SREBF1: variants seen among roughly 807,000 people sequenced by gnomAD.
SREBF1 encodes the protein sterol regulatory element binding transcription factor 1.
In SREBF1, 45 loss-of-function variants were observed where a neutral mutation model predicts 100.1. The ratio of observed to expected loss-of-function variants is 0.45; its 90% CI spans 0.35 to 0.58. The LOEUF is 0.58. Among genes scored for constraint, SREBF1 ranks in the 20% least tolerant of loss-of-function variants. The pLI is 0.00. For missense variants in SREBF1, 1,324 were observed against 1,539.4 expected (o/e 0.86, Z 2.34); for synonymous variants, 657 against 681.8 (o/e 0.96, Z 0.57).
rs546297883 is a variant in SREBF1, at chr17:17,818,303, G to T, written c.1140C>A (p.Leu380=). The change falls in exon 6 of 19, where the codon CTC becomes CTA. Residue 380 remains leucine, a synonymous_variant. Coordinates refer to ENST00000261646, the MANE Select transcript of SREBF1 (RefSeq NM_004176.5). ...TGCGCAGACTTAGGTTCTCCTGCTT[G>T]AGTTTCTGGTTGCTGTGTTGCAGAA... ...IRFLQHSNQK[L]KQENLSLRTA... is the part of the protein sequence containing the mutation. 8.7e-6 allele frequency: 14 copies of T among 1,613,986 alleles called. No individual in the cohort carries two copies. In the East Asian group the frequency reaches 2.7e-4, roughly 31 times the overall value.
At chr17:17,826,102 C>T (rs1027896368) in intron 1 of SREBF1, among the ~76,000 whole-genome samples, 2 of 152,212 alleles carry the variant, frequency 1.3e-5, no homozygotes, top group Non-Finnish European at 2.9e-5. Flanking sequence ...CCCACACCTA[C>T]GATCTCCAGA....
At chr17:17,818,813 C>A in intron 5 of SREBF1, 200 bp downstream of exon 5, 2 of 664,072 alleles carry the variant, frequency 3.0e-6, no homozygotes, top group African/African-American at 1.8e-5. Flanking sequence ...ATCCCCAATG[C>A]CTAGCACAGC....
In SREBF1 at chr17:17,814,430, A is replaced by C; in HGVS notation, c.2736-20T>G. On this transcript the variant is annotated intron_variant, in intron 15 of 18. Transcript: ENST00000261646. Reference sequence around the variant, plus strand: ...GGTCTCCTGTTGGGACCAGGGCAGAAGAGTGCCAGTCAGACCAGTCCACAA... The same window carrying C: ...GGTCTCCTGTTGGGACCAGGGCAGACGAGTGCCAGTCAGACCAGTCCACAA... 1 of 1,551,574 alleles carries C rather than the reference A, an allele frequency of 6.4e-7. No homozygotes were observed. The highest frequency in any genetic ancestry group is 8.7e-7 in the Non-Finnish European group (1 of 1,148,024).
rs767164203 is a variant in SREBF1, at chr17:17,816,724, G to A, written c.1786-6C>T. On this transcript the variant is annotated splice_region_variant and splice_polypyrimidine_tract_variant and intron_variant, in intron 9 of 18. Transcript: ENST00000261646. Reference sequence around the variant, plus strand: ...GCAGCCTGGGCAAAGTCTCCCTGTGGATGAGGGTTTTCCAGGTGAGAAAAG... The same window carrying A: ...GCAGCCTGGGCAAAGTCTCCCTGTGAATGAGGGTTTTCCAGGTGAGAAAAG... 2 of 1,576,552 alleles carry A rather than the reference G, an allele frequency of 1.3e-6. No homozygotes were observed. The highest frequency in any genetic ancestry group is 2.3e-5 in the East Asian group (1 of 43,234).
chr17:17,823,451 C>T (rs1567981151), intron 1 of SREBF1: 1 of 1,251,662 alleles, frequency 8.0e-7, no homozygotes, highest in Non-Finnish European at 1.2e-6. Flanking sequence ...TGCCCGCCCA[C>T]CCCAGGAGAA....
intron 1 of SREBF1, chr17:17,823,545 G>T: frequency 6.2e-7 from 1 of 1,613,492 alleles, no homozygotes; most frequent in Non-Finnish European, 8.5e-7. Flanking sequence ...ATGGCTCCGC[G>T]ATCTGCGCCC....
Position 17,814,604 on chromosome 17 carries a change from C to G in SREBF1, c.2735+11G>C. 1 of 1,539,176 alleles carries G rather than the reference C, an allele frequency of 6.5e-7. No individual in the cohort carries two copies. Among genetic ancestry groups the G allele is most frequent in the Non-Finnish European group, 8.7e-7 (1 of 1,147,294 alleles). On this transcript the variant is annotated intron_variant, in intron 15 of 18. Transcript: ENST00000261646. ...CCGGGACCAGGCAGGAGGAACCTGC[C>G]GTGCACTCACTCAGACTCCTGCAGC...
At position 17,815,738 on chromosome 17, in the gene SREBF1, C is replaced by T. The variant is rs70937020; in HGVS notation, c.2383+122G>A. On this transcript the variant is annotated intron_variant, in intron 12 of 18. Transcript: ENST00000261646. Reference sequence around the variant, plus strand: ...TCCCTTCCTGCAACCCCCACAGCAACAACCCATGGCAGGGAGAAGGACTGG... The same window carrying T: ...TCCCTTCCTGCAACCCCCACAGCAATAACCCATGGCAGGGAGAAGGACTGG... The T allele has an allele frequency of 5.6e-4, 623 of 1,105,660 alleles. 5 individuals are homozygous for T. The East Asian group carries it at 0.015, about 27-fold the overall frequency. The allele number at this position is 1,105,660 out of a possible 1,614,324, so 68.5% of individuals were successfully genotyped here. A position where few individuals can be genotyped will look rare whatever the true frequency, so the allele number is the denominator to read the frequency against.
intron 16 of SREBF1, 67 bp downstream of exon 16, chr17:17,814,178 G>T: frequency 6.6e-7 from 1 of 1,525,836 alleles, no homozygotes. Flanking sequence ...TGGGGGCTGG[G>T]GAGAGGAACC....
In SREBF1 at chr17:17,811,424, C is replaced by G; in HGVS notation, c.*1198G>C. ...TTCAGAAAAAAAAAAAAAAAAAAGTCAATAAAGATACAACGATTGTTTTGG... is the reference window on the plus strand; with the variant it reads ...TTCAGAAAAAAAAAAAAAAAAAAGTGAATAAAGATACAACGATTGTTTTGG... On this transcript the variant is annotated 3_prime_UTR_variant, in exon 19 of 19. Transcript: ENST00000261646. 6.0e-6 allele frequency: 1 copy of G among 166,538 alleles called. No homozygotes were observed. Among genetic ancestry groups the G allele is most frequent in the Non-Finnish European group, 1.2e-5 (1 of 83,656 alleles). 10.3% of individuals were successfully genotyped at this position (166,538 alleles called of 1,614,324 possible).
chr17:17,819,653 A>C lies in SREBF1; in HGVS notation c.596T>G (p.Val199Gly), dbSNP rs1352549711. 2 of 1,612,490 alleles carry C rather than the reference A, an allele frequency of 1.2e-6. No individual in the cohort carries two copies. The highest frequency in any genetic ancestry group is 3.3e-5 in the Admixed American group (2 of 59,966). The change falls in exon 3 of 19, where the codon GTC becomes GGC. Residue 199 changes from valine (V) to glycine (G), a missense_variant. Transcript: ENST00000261646. ...ACTCTGGACCTGGGTGTGCAAGGAG[A>C]CGGGCGGGACCCCTGGCGGGGAAGC... ...PLASPPGVPP[V>G]SLHTQVQSVV...
intron 14 of SREBF1, 27 bp from the exon 15 acceptor site, chr17:17,814,774 C>T (rs1301846992): frequency 1.2e-6 from 2 of 1,610,932 alleles, no homozygotes; most frequent in East Asian, 2.2e-5. Context: ...GTCCCCTGAA[C>T]CCTCAGTCAC....
At position 17,811,403 on chromosome 17, in the gene SREBF1, G is replaced by GAAA. The variant is rs34061744; in HGVS notation, c.*1216_*1218dup. ...GAGTAAAAAACAGTCATTGCATTCA[G>GAAA]AAAAAAAAAAAAAAAAAAGTCAATA... On this transcript the variant is annotated 3_prime_UTR_variant, in exon 19 of 19. Coordinates refer to ENST00000261646, the MANE Select transcript of SREBF1 (RefSeq NM_004176.5). 3.3e-3 allele frequency: 536 copies of GAAA among 163,250 alleles called. No homozygotes were observed. Among genetic ancestry groups the GAAA allele is most frequent in the South Asian group, 5.3e-3 (64 of 11,966 alleles). 10.1% of individuals were successfully genotyped at this position (163,250 alleles called of 1,614,324 possible).
At chr17:17,823,373 G>A (rs1386346629) in intron 1 of SREBF1, 6 of 732,408 alleles carry the variant, frequency 8.2e-6, no homozygotes, top group East Asian at 5.4e-5. Flanking sequence ...CTTCCCCAGC[G>A]AGCTGGTAAC....
At chr17:17,823,963 C>G (rs2034320898) in intron 1 of SREBF1, among the ~76,000 whole-genome samples, 1 of 152,150 alleles carries the variant, frequency 6.6e-6, no homozygotes, top group Admixed American at 6.5e-5. Flanking sequence ...GCTCCCGCCC[C>G]CTTCGTTAAA....
intron 1 of SREBF1, among the ~76,000 whole-genome samples, chr17:17,833,450 A>AAAAAATAT (rs1567995797): frequency 2.1e-5 from 1 of 47,528 alleles, no homozygotes; most frequent in African/African-American, 9.3e-5. Context: ...AAAAAAAAAA[A>AAAAAATAT]ATATATATAT....
In SREBF1 at chr17:17,817,475, G is replaced by A; in HGVS notation, c.1405-18C>T. 1 of 1,571,832 alleles carries A rather than the reference G, an allele frequency of 6.4e-7. No individual in the cohort carries two copies. The highest frequency in any genetic ancestry group is 1.2e-5 in the South Asian group (1 of 86,280). ...GGCTTTGCCTGGTGGGGTTGGGCAG[G>A]GTGGTGAGGGCAGAATCGGAGGGAC... On this transcript the variant is annotated intron_variant, in intron 7 of 18. Transcript: ENST00000261646. This position sits in a 1 kb window ranked among gnomAD's most constrained non-coding sequence, Gnocchi z 6.6.
intron 16 of SREBF1, 142 bp from the exon 17 acceptor site, chr17:17,813,911 A>T: frequency 1.6e-5 from 14 of 901,326 alleles, no homozygotes; most frequent in Non-Finnish European, 2.4e-5. Flanking sequence ...TGCAACAGCA[A>T]TGCACCGCGG....
chr17:17,819,840 C>A, intron 2 of SREBF1, 115 bp from the exon 3 acceptor site: 1 of 1,374,502 alleles, frequency 7.3e-7, no homozygotes, highest in Non-Finnish European at 9.7e-7. Flanking sequence ...CATGTGGCTT[C>A]CTATGGACAG....
Sources: gnomAD v4.1 joint callset for allele counts (sites outside exome capture counted in the v4.1 genomes callset) on GRCh38, gnomAD v4.1.1 for gene constraint, Gnocchi (gnomAD v3.1) non-coding constraint, MANE v1.5 for transcripts, NCBI Gene and HGNC (gene_info 2026-07-23, HGNC 2026-07-21) for gene names.